Variants in PID1 observed in about 807,000 individuals in gnomAD.
The protein encoded by PID1 is PTB-containing, cubilin and LRP1-interacting protein.
A neutral mutation model predicts 19.1 loss-of-function variants in PID1; 10 were observed. The ratio of observed to expected loss-of-function variants is 0.52; its 90% CI spans 0.32 to 0.89. PID1 has a LOEUF of 0.89. Among genes scored for constraint, PID1 ranks in the 40% least tolerant of loss-of-function variants. The pLI is 0.03. For synonymous variants in PID1, 130 were observed against 116.0 expected (o/e 1.12, Z -0.78); for missense variants, 248 against 285.3 (o/e 0.87, Z 0.94).
At position 229,221,247 on chromosome 2, in the gene PID1, C is replaced by G. The variant is rs117218285; in HGVS notation, c.30+49767G>C. 9.2e-5 allele frequency among the ~76,000 whole-genome samples: 14 copies of G among 152,272 alleles called. No homozygotes were observed. The East Asian group carries it at 2.7e-3, about 29-fold the overall frequency. On this transcript the variant is annotated intron_variant, in intron 1 of 2. Coordinates refer to ENST00000392055, the MANE Select transcript of PID1 (RefSeq NM_001100818.2). ...TATCAGGCATAGTGGGATAGTTGGT[C>G]ACCCTATGTTTAAGCCTCTGAAAGT...
intron 2 of PID1, among the ~76,000 whole-genome samples, chr2:229,034,853 T>C (rs1359400059): frequency 1.3e-5 from 2 of 152,176 alleles, no homozygotes; most frequent in African/African-American, 4.8e-5. Flanking sequence ...GAGCCTATGA[T>C]GGAAAATGTG....
At position 229,179,489 on chromosome 2, in the gene PID1, AG is replaced by A. The variant is rs1381975546; in HGVS notation, c.31-23526del. On this transcript the variant is annotated intron_variant, in intron 1 of 2. Coordinates refer to ENST00000392055, the MANE Select transcript of PID1 (RefSeq NM_001100818.2). ...CACCAAAAAGAAAGAGAGAATTTGGAGGAAAAAAAACTACTCAAAAGTAAGT... is the reference window on the plus strand; with the variant it reads ...CACCAAAAAGAAAGAGAGAATTTGGAGAAAAAAAACTACTCAAAAGTAAGT... Among the ~76,000 whole-genome samples, 6 of 152,274 alleles carry A rather than the reference AG, an allele frequency of 3.9e-5. No individual in the cohort carries two copies. The East Asian group carries it at 9.7e-4, about 25-fold the overall frequency.
At chr2:229,069,267 C>T (rs1023457513) in intron 2 of PID1, among the ~76,000 whole-genome samples, 5 of 151,512 alleles carry the variant, frequency 3.3e-5, no homozygotes, top group Non-Finnish European at 7.4e-5. Flanking sequence ...TTGTAATAAA[C>T]TCAGCTGAGG....
intron 1 of PID1, among the ~76,000 whole-genome samples, chr2:229,258,775 C>T (rs974513299): frequency 4.0e-5 from 6 of 148,736 alleles, no homozygotes; most frequent in African/African-American, 1.5e-4. Context: ...GGCAGGAGAA[C>T]GGCGTGAACC....
chr2:229,196,549 A>C (rs1436638504), intron 1 of PID1, among the ~76,000 whole-genome samples: 5 of 152,122 alleles, frequency 3.3e-5, no homozygotes, highest in African/African-American at 1.2e-4. Flanking sequence ...GTTTCTAAGT[A>C]CATCAGTTAC....
intron 2 of PID1, among the ~76,000 whole-genome samples, chr2:229,110,890 T>TG (rs534857707): frequency 5.2e-4 from 79 of 152,204 alleles, no homozygotes; most frequent in African/African-American, 1.8e-3. Context: ...ATGGTTTGGC[T>TG]ATGTCCCCAC....
At chr2:229,258,290 C>T (rs7577792) in intron 1 of PID1, among the ~76,000 whole-genome samples, 31,280 of 152,170 alleles carry the variant, frequency 0.21, 3,847 homozygotes, top group Non-Finnish European at 0.28. Context: ...TTCTCTTGCT[C>T]AACCACTAGT....
At chr2:229,177,531 T>A (rs1213837191) in intron 1 of PID1, among the ~76,000 whole-genome samples, 2 of 152,236 alleles carry the variant, frequency 1.3e-5, no homozygotes, top group Non-Finnish European at 2.9e-5. Flanking sequence ...CCCCTCCTTA[T>A]TTGCACTGAT....
At position 229,025,952 on chromosome 2, in the gene PID1, G is replaced by A; in HGVS notation, c.334C>T (p.Leu112Phe). 4 of 1,614,220 alleles carry A rather than the reference G, an allele frequency of 2.5e-6. No homozygotes were observed. In the South Asian group the frequency reaches 4.4e-5, roughly 18 times the overall value. ...LLEIRPFQVWLHHLDHKGEAT... is the reference protein window; with the variant it reads ...LLEIRPFQVWFHHLDHKGEAT... ...TCCCCTTTGTGGTCGAGATGATGGA[G>A]CCAAACTTGGAATGGCCGGATTTCC... Residue 112 changes from leucine (L) to phenylalanine (F), a missense_variant, in exon 3 of 3, where the codon CTC (leucine) becomes TTC (phenylalanine). Transcript: ENST00000392055.
At chr2:229,176,252 G>T (rs1418479212) in intron 1 of PID1, among the ~76,000 whole-genome samples, 1 of 152,008 alleles carries the variant, frequency 6.6e-6, no homozygotes, top group African/African-American at 2.4e-5. Context: ...CCCGTGAATG[G>T]TCTCGGTAAA....
At chr2:229,032,639 A>G (rs1279629607) in intron 2 of PID1, among the ~76,000 whole-genome samples, 1 of 152,254 alleles carries the variant, frequency 6.6e-6, no homozygotes, top group Non-Finnish European at 1.5e-5. Flanking sequence ...CAGGAAAAGT[A>G]ACAACTAGCT....
intron 1 of PID1, among the ~76,000 whole-genome samples, chr2:229,158,203 C>A (rs1690420510): frequency 6.6e-6 from 1 of 152,146 alleles, no homozygotes; most frequent in Non-Finnish European, 1.5e-5. Flanking sequence ...CAGGACTATT[C>A]CAGACAAAGA....
chr2:229,260,537 T>G (rs1280751694), intron 1 of PID1, among the ~76,000 whole-genome samples: 3 of 151,100 alleles, frequency 2.0e-5, no homozygotes, highest in Non-Finnish European at 4.4e-5. Flanking sequence ...TATATATAAT[T>G]GAAATTCATG....
At chr2:229,118,688 A>G (rs558764988) in intron 2 of PID1, among the ~76,000 whole-genome samples, 11 of 152,340 alleles carry the variant, frequency 7.2e-5, no homozygotes, top group South Asian at 4.1e-4. Flanking sequence ...GGCTACTCAA[A>G]TAATGCTGAT....
chr2:229,094,571 A>T (rs550075829), intron 2 of PID1, among the ~76,000 whole-genome samples: 1 of 152,134 alleles, frequency 6.6e-6, no homozygotes. Context: ...AAAACAGCAC[A>T]GTACAGGTAT....
intron 2 of PID1, among the ~76,000 whole-genome samples, chr2:229,100,493 A>T (rs1695054170): frequency 6.6e-6 from 1 of 152,208 alleles, no homozygotes; most frequent in South Asian, 2.1e-4. Context: ...TACCTAGAAC[A>T]ATGGTGAAAC....
intron 1 of PID1, among the ~76,000 whole-genome samples, chr2:229,221,386 G>T (rs1274444149): frequency 6.6e-6 from 1 of 152,078 alleles, no homozygotes; most frequent in African/African-American, 2.4e-5. Context: ...ACTGTAACCT[G>T]CATGGTCCAA....
chr2:229,226,013 T>A (rs1049879639), intron 1 of PID1, among the ~76,000 whole-genome samples: 2 of 152,092 alleles, frequency 1.3e-5, no homozygotes, highest in Non-Finnish European at 2.9e-5. Flanking sequence ...CATAAGAATG[T>A]CCCATTTATG....
intron 1 of PID1, among the ~76,000 whole-genome samples, chr2:229,174,604 C>A (rs940557529): frequency 2.6e-5 from 4 of 151,714 alleles, no homozygotes; most frequent in African/African-American, 7.3e-5. Context: ...CCTCCCCCAA[C>A]CCATAAAATG....
Sources: gnomAD v4.1 joint callset for allele counts (sites outside exome capture counted in the v4.1 genomes callset) on GRCh38, gnomAD v4.1.1 for gene constraint, MANE v1.5 for transcripts, NCBI Gene and HGNC (gene_info 2026-07-23, HGNC 2026-07-21) for gene names.